CGAS: variants seen among roughly 807,000 people sequenced by gnomAD.
CGAS encodes 2'3'-cGAMP synthase.
Under a neutral mutation model 34.0 loss-of-function variants are expected in CGAS, and 31 were observed. The ratio of observed to expected loss-of-function variants is 0.91; its 90% CI spans 0.69 to 1.23. The LOEUF is 1.23. Among genes scored for constraint, CGAS ranks in the 50% most tolerant of loss-of-function variants. CGAS has a pLI of 0.00. For synonymous variants in CGAS, 266 were observed against 260.0 expected (o/e 1.02, Z -0.22); for missense variants, 597 against 657.6 (o/e 0.91, Z 1.01).
intron 2 of CGAS, among the ~76,000 whole-genome samples, chr6:73,443,529 C>T (rs1313865515): frequency 2.0e-5 from 3 of 152,104 alleles, no homozygotes; most frequent in Non-Finnish European, 2.9e-5. Flanking sequence ...TGAGCCACGG[C>T]GCCTGGCTCT....
At chr6:73,447,574 T>C (rs555669953) in intron 1 of CGAS, among the ~76,000 whole-genome samples, 1 of 152,246 alleles carries the variant, frequency 6.6e-6, no homozygotes, top group South Asian at 2.1e-4. Flanking sequence ...TGAGCCACCA[T>C]GCCTGGCCAA....
At chr6:73,426,351 T>TG (rs747934363) in intron 4 of CGAS, among the ~76,000 whole-genome samples, 1,871 of 125,022 alleles carry the variant, frequency 0.015, 45 homozygotes, top group African/African-American at 0.053. Context: ...AATGAAATGA[T>TG]AAAATAAAAT....
rs1369414103 is a variant in CGAS at position 73,424,216 on chromosome 6, C to T, written c.*1011G>A. 6.6e-6 allele frequency: 1 copy of T among 152,102 alleles called. No homozygotes were observed. Among genetic ancestry groups the T allele is most frequent in the African/African-American group, 2.4e-5 (1 of 41,428 alleles). 9.4% of individuals were successfully genotyped at this position (152,102 alleles called of 1,614,324 possible). ...TTGGGAGGCCAAGGCGGGCGGATCA[C>T]AAGGTAAGGAGATCGAGACCATCCT... is the stretch of plus-strand genomic sequence containing the variant. On this transcript the variant is annotated 3_prime_UTR_variant, in exon 5 of 5. Transcript: ENST00000370315.
rs1434148325 is a variant in CGAS at position 73,444,979 on chromosome 6, G to C, written c.877+549C>G. On this transcript the variant is annotated intron_variant, in intron 2 of 4. Transcript: ENST00000370315. The stretch of plus-strand genomic sequence containing the variant: ...AAGGACTGAGGCAAAACATAGTTTG[G>C]TATATGAATTAAGTTATGTTTATTC... 4.6e-5 allele frequency among the ~76,000 whole-genome samples: 7 copies of C among 152,282 alleles called. No homozygotes were observed. The South Asian group carries it at 6.2e-4, about 14-fold the overall frequency.
At chr6:73,435,468 G>A (rs999694877) in intron 3 of CGAS, among the ~76,000 whole-genome samples, 3 of 152,066 alleles carry the variant, frequency 2.0e-5, no homozygotes, top group African/African-American at 4.8e-5. Flanking sequence ...ATTACATAAC[G>A]ATTTACTCTT....
intron 3 of CGAS, 72 bp from the exon 4 acceptor site, chr6:73,428,883 T>G: frequency 2.2e-6 from 3 of 1,344,408 alleles, no homozygotes; most frequent in Non-Finnish European, 3.1e-6. Context: ...TTCAAGTGGT[T>G]TCCCTCATGA....
At chr6:73,425,805 T>C (rs766904366) in intron 4 of CGAS, among the ~76,000 whole-genome samples, 11 of 151,272 alleles carry the variant, frequency 7.3e-5, no homozygotes, top group Non-Finnish European at 1.6e-4. Context: ...TGAAACCCCG[T>C]CTCTACTAAA....
rs1178691424 is a variant in CGAS at position 73,451,870 on chromosome 6, C to A, written c.312G>T (p.Gly104=). 5.2e-6 allele frequency: 8 copies of A among 1,545,850 alleles called. 1 individual carries two copies. In the South Asian group the frequency reaches 7.1e-5, roughly 14 times the overall value. Residue 104 remains glycine (G), a synonymous_variant, in exon 1 of 5, where the codon GGG becomes GGT. Coordinates refer to ENST00000370315, the MANE Select transcript of CGAS (RefSeq NM_138441.3). ...GCTCCCGAGCCGCAGGAGGCTCCAGCCCCTCTGCCCCAGGGGCGCTGGTGG... is the reference window on the plus strand; with the variant it reads ...GCTCCCGAGCCGCAGGAGGCTCCAGACCCTCTGCCCCAGGGGCGCTGGTGG... ...SDATSAPGAE[G]LEPPAAREPA... is the part of the protein sequence containing the mutation.
At position 73,452,196 on chromosome 6, in the gene CGAS, G is replaced by T; in HGVS notation, c.-15C>A. On this transcript the variant is annotated 5_prime_UTR_variant, in exon 1 of 5. Transcript: ENST00000370315. Reference sequence around the variant, plus strand: ...CAAGGCTGCATGGCTGGCGCTTTCTGTTCCCCGAAAGAAGAATCCGTTTCA... The same window carrying T: ...CAAGGCTGCATGGCTGGCGCTTTCTTTTCCCCGAAAGAAGAATCCGTTTCA... 6.3e-7 allele frequency: 1 copy of T among 1,585,704 alleles called. No homozygotes were observed. The highest frequency in any genetic ancestry group is 8.6e-7 in the Non-Finnish European group (1 of 1,169,516).
intron 2 of CGAS, among the ~76,000 whole-genome samples, chr6:73,440,683 C>G (rs991681769): frequency 1.3e-5 from 2 of 152,048 alleles, no homozygotes; most frequent in Admixed American, 6.6e-5. Flanking sequence ...AGGTGGATCA[C>G]TTGAGGTCAG....
chr6:73,447,705 G>A (rs765628737), intron 1 of CGAS, among the ~76,000 whole-genome samples: 4 of 151,898 alleles, frequency 2.6e-5, no homozygotes, highest in Non-Finnish European at 5.9e-5. Flanking sequence ...CTCCCACCTC[G>A]GCCTCCCAAA....
Position 73,442,269 on chromosome 6 carries a change from T to C in CGAS, c.878-1824A>G, listed in dbSNP as rs371325523. Among the ~76,000 whole-genome samples the C allele has an allele frequency of 6.6e-5, 10 of 152,282 alleles. No individual in the cohort carries two copies. In the South Asian group the frequency reaches 2.1e-3, roughly 32 times the overall value. On this transcript the variant is annotated intron_variant, in intron 2 of 4. Coordinates refer to ENST00000370315, the MANE Select transcript of CGAS (RefSeq NM_138441.3). ...CATGCTCTTCAAGTATTTCCTCTCCTACATCAGCCATCTCTCCCTCCCTGC... is the reference window on the plus strand; with the variant it reads ...CATGCTCTTCAAGTATTTCCTCTCCCACATCAGCCATCTCTCCCTCCCTGC...
At chr6:73,446,187 G>A (rs1027346234) in intron 1 of CGAS, among the ~76,000 whole-genome samples, 2 of 151,894 alleles carry the variant, frequency 1.3e-5, no homozygotes, top group Admixed American at 6.6e-5. Flanking sequence ...AAAATTAGCC[G>A]GGCATAGTGG....
intron 3 of CGAS, among the ~76,000 whole-genome samples, chr6:73,431,022 A>T (rs1770187297): frequency 1.3e-5 from 2 of 151,978 alleles, no homozygotes; most frequent in Admixed American, 6.6e-5. Flanking sequence ...GAATCGCTTG[A>T]ATTCAGGAGG....
intron 1 of CGAS, among the ~76,000 whole-genome samples, chr6:73,449,338 G>T (rs900551160): frequency 6.6e-6 from 1 of 151,932 alleles, no homozygotes; most frequent in African/African-American, 2.4e-5. Context: ...AGCTGGGCAT[G>T]GTGGCGGGCG....
At chr6:73,443,068 C>A (rs768216374) in intron 2 of CGAS, among the ~76,000 whole-genome samples, 3 of 152,066 alleles carry the variant, frequency 2.0e-5, no homozygotes, top group African/African-American at 4.8e-5. Context: ...TGCAACCCTG[C>A]CTTTTCACTC....
At chr6:73,435,366 T>A (rs920467287) in intron 3 of CGAS, among the ~76,000 whole-genome samples, 1 of 152,132 alleles carries the variant, frequency 6.6e-6, no homozygotes, top group Non-Finnish European at 1.5e-5. Context: ...AACAAGTCAG[T>A]GAGGTTGAGA....
rs555382683 is a variant in CGAS at position 73,426,692 on chromosome 6, A to T, written c.1218-1114T>A. Among the ~76,000 whole-genome samples the T allele has an allele frequency of 3.9e-3, 588 of 151,770 alleles. 3 individuals are homozygous for T. Among genetic ancestry groups the T allele is most frequent in the Non-Finnish European group, 6.2e-3 (424 of 67,940 alleles). On this transcript the variant is annotated intron_variant, in intron 4 of 4. Coordinates refer to ENST00000370315, the MANE Select transcript of CGAS (RefSeq NM_138441.3). ...TTATTGAACTGCAAATTTAATATAA[A>T]TTTTTTCTTTTCTAAAATCCACTGA...
chr6:73,436,010 A>C (rs755553286), intron 3 of CGAS, among the ~76,000 whole-genome samples: 18 of 152,158 alleles, frequency 1.2e-4, no homozygotes, highest in South Asian at 6.2e-4. Flanking sequence ...TTTTAAACCC[A>C]CTTGAAAACA....
Sources: gnomAD v4.1 joint callset for allele counts (sites outside exome capture counted in the v4.1 genomes callset) on GRCh38, gnomAD v4.1.1 for gene constraint, MANE v1.5 for transcripts, NCBI Gene and HGNC (gene_info 2026-07-23, HGNC 2026-07-21) for gene names.